Variants in CREB3L1 observed in about 807,000 individuals in gnomAD.
CREB3L1 encodes cAMP responsive element binding protein 3 like 1.
Under a neutral mutation model 54.5 loss-of-function variants are expected in CREB3L1, and 33 were observed. That is an observed-to-expected ratio of 0.61 (90% CI 0.46 to 0.81). CREB3L1 has a LOEUF of 0.81. Among genes scored for constraint, CREB3L1 ranks in the 30% least tolerant of loss-of-function variants. The probability of loss-of-function intolerance (pLI) is 0.00; values close to 1 mark genes in which losing one functional copy is unlikely to be tolerated. For synonymous variants in CREB3L1, 284 were observed against 286.4 expected, an observed-to-expected ratio of 0.99 and a Z score of 0.08; for missense variants, 656 against 673.3, an observed-to-expected ratio of 0.97 and a Z score of 0.29.
rs1024766077 is a variant in CREB3L1, at chr11:46,277,975, C to A, written c.-137C>A. The A allele has an allele frequency of 9.3e-6, 4 of 429,734 alleles. No individual in the cohort carries two copies. Among genetic ancestry groups the A allele is most frequent in the African/African-American group, 2.1e-5 (1 of 48,568 alleles). The allele number at this position is 429,734 out of a possible 1,614,324, so 26.6% of individuals were successfully genotyped here. ...CACCCGGGGCCGCGCCGCCTCCGTCCGCCCCTCCCCCGGGGCTTCGCCCCG... is the reference window on the plus strand; with the variant it reads ...CACCCGGGGCCGCGCCGCCTCCGTCAGCCCCTCCCCCGGGGCTTCGCCCCG... On this transcript the variant is annotated 5_prime_UTR_variant, in exon 1 of 12. Transcript: ENST00000621158.
rs925087885 is a variant in CREB3L1 at position 46,312,657 on chromosome 11, T to C, written c.949T>C (p.Cys317Arg). 6.2e-7 allele frequency: 1 copy of C among 1,609,880 alleles called. No individual in the cohort carries two copies. Among genetic ancestry groups the C allele is most frequent in the Non-Finnish European group, 8.5e-7 (1 of 1,178,090 alleles). Reference protein sequence around the residue: ...SRRKKKEYVECLEKKVETFTS... With the variant: ...SRRKKKEYVERLEKKVETFTS... Reference sequence around the variant, plus strand: ...TCGTAAGAAGAAGGAGTATGTGGAGTGTCTAGAAAAGAAGTAAGGGGCTTG... The same window carrying C: ...TCGTAAGAAGAAGGAGTATGTGGAGCGTCTAGAAAAGAAGTAAGGGGCTTG... The change falls in exon 7 of 12, where the codon TGT becomes CGT. Residue 317 changes from cysteine to arginine, a missense_variant. By Grantham distance (180) the Cys-to-Arg change is radical. Coordinates refer to ENST00000621158, the MANE Select transcript of CREB3L1 (RefSeq NM_052854.4).
At chr11:46,292,294 G>A (rs1939141484) in intron 1 of CREB3L1, among the ~76,000 whole-genome samples, 1 of 152,186 alleles carries the variant, frequency 6.6e-6, no homozygotes. Context: ...GCAAGATTCG[G>A]GACGGTCATT....
chr11:46,315,888 C>T (rs1021302794), intron 8 of CREB3L1: 10 of 195,866 alleles, frequency 5.1e-5, no homozygotes, highest in Non-Finnish European at 7.4e-5. Flanking sequence ...TCACTACATA[C>T]CAGGCACTGT....
chr11:46,292,687 T>C (rs1018273694), intron 1 of CREB3L1, among the ~76,000 whole-genome samples: 2 of 152,188 alleles, frequency 1.3e-5, no homozygotes, highest in African/African-American at 4.8e-5. Flanking sequence ...AGTGTAGTGG[T>C]GTAATCATAG....
chr11:46,281,300 G>A (rs958752466), intron 1 of CREB3L1, among the ~76,000 whole-genome samples: 1 of 152,170 alleles, frequency 6.6e-6, no homozygotes, highest in African/African-American at 2.4e-5. Flanking sequence ...GAGGGTCTGG[G>A]CTCCAAGAAC....
chr11:46,292,665 T>G (rs1181252019), intron 1 of CREB3L1, among the ~76,000 whole-genome samples: 2 of 152,176 alleles, frequency 1.3e-5, no homozygotes, highest in East Asian at 3.8e-4. Flanking sequence ...CTTGCTCTGT[T>G]GCCCTGGCTG....
At chr11:46,282,618 A>G (rs929330728) in intron 1 of CREB3L1, among the ~76,000 whole-genome samples, 1 of 152,128 alleles carries the variant, frequency 6.6e-6, no homozygotes, top group African/African-American at 2.4e-5. Context: ...TCCCAGCTCA[A>G]ATATTGCCTC....
Position 46,300,104 on chromosome 11 carries a change from G to A in CREB3L1, c.272G>A (p.Ser91Asn). 6.2e-7 allele frequency: 1 copy of A among 1,613,890 alleles called. No homozygotes were observed. The highest frequency in any genetic ancestry group is 8.5e-7 in the Non-Finnish European group (1 of 1,179,836). Residue 91 changes from serine (S) to asparagine (N), a missense_variant, in exon 2 of 12, where the codon AGC becomes AAC. By Grantham distance (46) the Ser-to-Asn change is conservative. Transcript: ENST00000621158. Reference protein sequence around the residue: ...GIQAEHSYSLSGDSAPQSPLV... With the variant: ...GIQAEHSYSLNGDSAPQSPLV... ...CAGGCGGAGCACAGCTACTCCCTGA[G>A]CGGCGACTCAGCGCCCCAGAGCCCC...
rs1398378639 is a variant in CREB3L1 at position 46,317,392 on chromosome 11, G to T, written c.1163G>T (p.Gly388Val). 6.2e-7 allele frequency: 1 copy of T among 1,613,852 alleles called. No individual in the cohort carries two copies. The highest frequency in any genetic ancestry group is 1.7e-5 in the Admixed American group (1 of 60,006). The stretch of plus-strand genomic sequence containing the variant: ...GCCTTGTGCTTTGTTCTGGTGCTGG[G>T]CTCCCTCGTGCCCTGCCTTCCCGAG... ...VAALCFVLVLGSLVPCLPEFS... is the reference protein window; with the variant it reads ...VAALCFVLVLVSLVPCLPEFS... Residue 388 changes from glycine to valine, a missense_variant, in exon 10 of 12, where the codon GGC becomes GTC. Transcript: ENST00000621158.
intron 1 of CREB3L1, among the ~76,000 whole-genome samples, chr11:46,298,251 G>A (rs1193536955): frequency 1.3e-5 from 2 of 152,142 alleles, no homozygotes; most frequent in African/African-American, 2.4e-5. Flanking sequence ...AGGCCAGAAA[G>A]GGCCAACAAC....
intron 10 of CREB3L1, among the ~76,000 whole-genome samples, chr11:46,318,940 G>A (rs965165989): frequency 1.3e-5 from 2 of 152,124 alleles, no homozygotes; most frequent in Admixed American, 1.3e-4. Context: ...CTCCTCCCCG[G>A]ACACGTGCAG....
At chr11:46,302,390 C>A (rs1381103998) in intron 2 of CREB3L1, among the ~76,000 whole-genome samples, 1 of 152,028 alleles carries the variant, frequency 6.6e-6, no homozygotes, top group Non-Finnish European at 1.5e-5. Flanking sequence ...CTGAGTTCTT[C>A]CACTCAGGTA....
rs1030765830 is a variant in CREB3L1, at chr11:46,277,812, C to G, written c.-300C>G. 3 of 305,094 alleles carry G rather than the reference C, an allele frequency of 9.8e-6. No individual in the cohort carries two copies. Among genetic ancestry groups the G allele is most frequent in the African/African-American group, 6.5e-5 (3 of 46,310 alleles). 18.9% of individuals were successfully genotyped at this position (305,094 alleles called of 1,614,324 possible). On this transcript the variant is annotated 5_prime_UTR_variant, in exon 1 of 12. Transcript: ENST00000621158. ...TGAAGCCCTCAGCCCCAACCCCGGG[C>G]TCCCCATGGAAGCCAGCTGTGCCCC... is the stretch of plus-strand genomic sequence containing the variant.
chr11:46,294,655 A>G (rs1939177291), intron 1 of CREB3L1, among the ~76,000 whole-genome samples: 1 of 145,848 alleles, frequency 6.9e-6, no homozygotes, highest in African/African-American at 2.6e-5. Flanking sequence ...CTGGATGGCA[A>G]TGCTTAAGGA....
chr11:46,311,690 A>G (rs1566191086), intron 5 of CREB3L1, among the ~76,000 whole-genome samples: 1 of 151,946 alleles, frequency 6.6e-6, no homozygotes. Flanking sequence ...TAGAGACAGC[A>G]TTTCACCATG....
At chr11:46,300,281 C>G (rs1430027070) in intron 2 of CREB3L1, 118 bp downstream of exon 2, 2 of 721,544 alleles carry the variant, frequency 2.8e-6, no homozygotes, top group African/African-American at 3.6e-5. Flanking sequence ...CCAAGAGGAG[C>G]CACCACAAAC....
At position 46,320,310 on chromosome 11, in the gene CREB3L1, G is replaced by A. The variant is rs377505232; in HGVS notation, c.1305G>A (p.Trp435Ter). ...TCTACGATGACGGGGCAGGCTTATG[G>A]GAAGATGGCCGCAGCACCCTGCTGC... ...LLFYDDGAGLWEDGRSTLLPM... is the reference protein window; with the variant it reads ...LLFYDDGAGL The change falls in exon 11 of 12, where the codon TGG (tryptophan) becomes TGA (stop). Residue 435 changes from tryptophan (W) to a stop codon, truncating the protein, a stop_gained. Coordinates refer to ENST00000621158, the MANE Select transcript of CREB3L1 (RefSeq NM_052854.4). LOFTEE classifies it high-confidence loss of function. 6.2e-7 allele frequency: 1 copy of A among 1,612,842 alleles called. No homozygotes were observed. Among genetic ancestry groups the A allele is most frequent in the Non-Finnish European group, 8.5e-7 (1 of 1,179,504 alleles).
At chr11:46,299,703 A>G (rs1939265457) in intron 1 of CREB3L1, among the ~76,000 whole-genome samples, 1 of 152,072 alleles carries the variant, frequency 6.6e-6, no homozygotes, top group South Asian at 2.1e-4. Flanking sequence ...GGTGGTAGAG[A>G]GAATGGGATG....
intron 1 of CREB3L1, among the ~76,000 whole-genome samples, chr11:46,294,407 T>C (rs766620996): frequency 6.6e-6 from 1 of 152,156 alleles, no homozygotes; most frequent in Non-Finnish European, 1.5e-5. Flanking sequence ...AAGGCCCACG[T>C]TCTGAAGACT....
Sources: allele counts gnomAD v4.1 joint callset (sites outside exome capture counted in the v4.1 genomes callset), GRCh38; gene constraint gnomAD v4.1.1; transcripts MANE v1.5; gene names NCBI Gene and HGNC (gene_info 2026-07-23, HGNC 2026-07-21).